Variants in PSPC1 observed in about 807,000 individuals in gnomAD.
PSPC1 encodes paraspeckle protein 1.
PSPC1 carries 14 observed loss-of-function variants against 51.6 expected under a neutral mutation model. The observed-to-expected ratio is 0.27, with a 90% CI of 0.18 to 0.42. The LOEUF is 0.42. Ranked by LOEUF, PSPC1 falls within the 10% of genes least tolerant of loss-of-function variation. PSPC1 has a pLI of 1.00. For synonymous variants in PSPC1, 193 were observed against 231.9 expected, an observed-to-expected ratio of 0.83 and a Z score of 1.53; for missense variants, 406 against 701.1, an observed-to-expected ratio of 0.58 and a Z score of 4.75.
chr13:19,768,884 C>A (rs1212781856), intron 2 of PSPC1, among the ~76,000 whole-genome samples: 1 of 150,594 alleles, frequency 6.6e-6, no homozygotes, highest in Non-Finnish European at 1.5e-5. Context: ...CCTGTAATCC[C>A]AGCGCTTAGG....
At chr13:19,766,676 A>C (rs1888100221) in intron 2 of PSPC1, among the ~76,000 whole-genome samples, 1 of 151,374 alleles carries the variant, frequency 6.6e-6, no homozygotes. Flanking sequence ...CCTTATCTCC[A>C]AAAAAAAGCT....
intron 6 of PSPC1, among the ~76,000 whole-genome samples, chr13:19,718,520 G>A (rs369769941): frequency 6.6e-6 from 1 of 152,092 alleles, no homozygotes; most frequent in Admixed American, 6.6e-5. Flanking sequence ...GAACTTCAAC[G>A]TATTGCTGAA....
Position 19,741,522 on chromosome 13 carries a change from A to G in PSPC1, c.1052+43T>C, listed in dbSNP as rs540817627. The G allele has an allele frequency of 2.2e-4, 303 of 1,370,260 alleles. 4 individuals are homozygous for G. In the South Asian group the frequency reaches 3.6e-3, roughly 16 times the overall value. The allele number at this position is 1,370,260 out of a possible 1,614,324, so 84.9% of individuals were successfully genotyped here. The stretch of plus-strand genomic sequence containing the variant: ...AACAGGTTGTGGGGAGTTTTTATTA[A>G]TAAGACATACAATTCATGTTTCTTA... On this transcript the variant is annotated intron_variant, in intron 5 of 8. Transcript: ENST00000338910.
chr13:19,684,746 G>C (rs556502794), intron 6 of PSPC1, among the ~76,000 whole-genome samples: 1 of 152,292 alleles, frequency 6.6e-6, no homozygotes, highest in African/African-American at 2.4e-5. Context: ...GTGCTAAGCC[G>C]AATCAGTGAT....
chr13:19,699,803 T>C (rs1218395286), downstream of PSPC1, among the ~76,000 whole-genome samples: 1 of 152,014 alleles, frequency 6.6e-6, no homozygotes, highest in African/African-American at 2.4e-5. Context: ...TGTATATGGA[T>C]ATTTACTGCC....
chr13:19,673,668 T>C (rs1876298107), downstream of PSPC1, among the ~76,000 whole-genome samples: 1 of 152,162 alleles, frequency 6.6e-6, no homozygotes, highest in African/African-American at 2.4e-5. Flanking sequence ...TAGATGTGAA[T>C]GAACAGCCTC....
intron 6 of PSPC1, 37 bp downstream of exon 6, chr13:19,730,202 A>ATATAAAAT (rs1423042216): frequency 6.4e-7 from 1 of 1,569,770 alleles, no homozygotes; most frequent in Admixed American, 1.7e-5. Context: ...AAACCTGAAA[A>ATATAAAAT]TATAAAATCA....
chr13:19,677,158 G>A (rs111447133), intron 7 of PSPC1, among the ~76,000 whole-genome samples: 2,308 of 151,214 alleles, frequency 0.015, 25 homozygotes, highest in Non-Finnish European at 0.025. Flanking sequence ...GCATGAACCC[G>A]GGAGGCAGAG....
At chr13:19,703,709 C>T (rs9508856) in intron 8 of PSPC1, among the ~76,000 whole-genome samples, 4 of 151,570 alleles carry the variant, frequency 2.6e-5, no homozygotes, top group South Asian at 2.1e-4. Context: ...CATGAAACTA[C>T]GCTATGTAAG....
downstream of PSPC1, chr13:19,671,266 T>C (rs756926962): frequency 1.2e-6 from 2 of 1,613,908 alleles, no homozygotes; most frequent in East Asian, 4.5e-5. Context: ...CTTCATAAGG[T>C]TGACAGAAGC....
chr13:19,702,125 A>C (rs2137715123), downstream of PSPC1, among the ~76,000 whole-genome samples: 1 of 152,312 alleles, frequency 6.6e-6, no homozygotes, highest in Admixed American at 6.5e-5. Context: ...CATTATCTTG[A>C]AAAACACAAA....
chr13:19,763,214 G>T (rs1593744562), intron 2 of PSPC1, among the ~76,000 whole-genome samples: 1 of 152,008 alleles, frequency 6.6e-6, no homozygotes, highest in Non-Finnish European at 1.5e-5. Context: ...GGAGTGCAGT[G>T]GGGCGATCAC....
intron 1 of PSPC1, among the ~76,000 whole-genome samples, chr13:19,779,731 TGG>T (rs558537931): frequency 2.8e-4 from 19 of 68,144 alleles, no homozygotes; most frequent in African/African-American, 7.6e-4. Context: ...GGGAGGGAGG[TGG>T]GGGGGGGTCA....
chr13:19,711,759 G>A (rs562250398), intron 6 of PSPC1, among the ~76,000 whole-genome samples: 4 of 150,498 alleles, frequency 2.7e-5, no homozygotes, highest in African/African-American at 4.9e-5. Flanking sequence ...TAGGAGAATC[G>A]CTTGAACCCA....
intron 6 of PSPC1, 75 bp from the exon 7 acceptor site, chr13:19,709,674 A>C: frequency 8.2e-7 from 1 of 1,213,604 alleles, no homozygotes; most frequent in Non-Finnish European, 1.2e-6. Flanking sequence ...AATCAAAAAG[A>C]AAAGAGTGAA....
intron 6 of PSPC1, among the ~76,000 whole-genome samples, chr13:19,691,146 A>T (rs1489788469): frequency 1.3e-5 from 2 of 152,108 alleles, no homozygotes; most frequent in Admixed American, 6.5e-5. Flanking sequence ...CCATGACTCC[A>T]TTTTTCCTCC....
intron 5 of PSPC1, among the ~76,000 whole-genome samples, chr13:19,736,482 G>A (rs1360504654): frequency 1.3e-5 from 2 of 151,974 alleles, no homozygotes; most frequent in South Asian, 2.1e-4. Flanking sequence ...AGCAGATCGA[G>A]ACCATCCTGG....
Position 19,730,111 on chromosome 13 carries a change from T to C in PSPC1, c.1158+128A>G, listed in dbSNP as rs548252498. The C allele has an allele frequency of 1.5e-4, 103 of 698,638 alleles. 2 individuals carry two copies. The South Asian group carries it at 2.3e-3, about 16-fold the overall frequency. The allele number at this position is 698,638 out of a possible 1,614,324, so 43.3% of individuals were successfully genotyped here. A position where few individuals can be genotyped will look rare whatever the true frequency, so the allele number is the denominator to read the frequency against. On this transcript the variant is annotated intron_variant, in intron 6 of 8. Transcript: ENST00000338910. ...ATGAGAGGTTAAGAAAATCACTAATTTATCAAACATGATGAATTTAGAAAG... is the reference window on the plus strand; with the variant it reads ...ATGAGAGGTTAAGAAAATCACTAATCTATCAAACATGATGAATTTAGAAAG...
intron 6 of PSPC1, among the ~76,000 whole-genome samples, chr13:19,693,384 C>T (rs371632839): frequency 1.3e-5 from 2 of 152,160 alleles, no homozygotes; most frequent in East Asian, 3.8e-4. Context: ...CATTAAACTA[C>T]AAAAGGACCA....
Sources: gnomAD v4.1 joint callset for allele counts (sites outside exome capture counted in the v4.1 genomes callset) on GRCh38, gnomAD v4.1.1 for gene constraint, MANE v1.5 for transcripts, NCBI Gene and HGNC (gene_info 2026-07-23, HGNC 2026-07-21) for gene names.